LRRC7: variants seen among roughly 807,000 people sequenced by gnomAD.
LRRC7 encodes leucine-rich repeat-containing protein 7.
A neutral mutation model predicts 175.7 loss-of-function variants in LRRC7; 23 were observed. The observed-to-expected ratio is 0.13, with a 90% CI of 0.09 to 0.19. LRRC7 has a LOEUF of 0.19. Ranked by LOEUF, LRRC7 falls within the 10% of genes least tolerant of loss-of-function variation. The pLI is 1.00. For missense variants in LRRC7, 1,354 were observed against 1,904.7 expected (o/e 0.71, Z 5.38); for synonymous variants, 685 against 680.9 (o/e 1.01, Z -0.09).
intron 7 of LRRC7, among the ~76,000 whole-genome samples, chr1:69,880,112 T>A (rs1231205125): frequency 1.3e-5 from 2 of 152,120 alleles, no homozygotes; most frequent in Non-Finnish European, 2.9e-5. Context: ...ATACGCTGGG[T>A]AGGGGAGAAA....
At chr1:69,591,403 A>G (rs547487915) in intron 1 of LRRC7, among the ~76,000 whole-genome samples, 25 of 152,194 alleles carry the variant, frequency 1.6e-4, no homozygotes, top group African/African-American at 5.1e-4. Context: ...GCTATTTGAC[A>G]GAACAGTGGT....
chr1:69,569,420 G>T (rs1013739969), intron 1 of LRRC7, among the ~76,000 whole-genome samples: 2 of 152,020 alleles, frequency 1.3e-5, no homozygotes, highest in African/African-American at 4.8e-5. Flanking sequence ...TGAGGATCTT[G>T]CGTCCTCCTC....
chr1:69,750,061 A>AAAATAAATAAATAAATAAAT (rs368323946), intron 2 of LRRC7, among the ~76,000 whole-genome samples: 289 of 139,180 alleles, frequency 2.1e-3, no homozygotes, highest in East Asian at 5.8e-3. Flanking sequence ...CTATGTCTCA[A>AAAATAAATAAATAAATAAAT]AAATAAATAA....
At position 70,122,508 on chromosome 1, in the gene LRRC7, A is replaced by G. The variant is rs1666264632; in HGVS notation, c.*621A>G. On this transcript the variant is annotated 3_prime_UTR_variant, in exon 27 of 27. Coordinates refer to ENST00000651989, the MANE Select transcript of LRRC7 (RefSeq NM_001370785.2). The stretch of plus-strand genomic sequence containing the variant: ...TGTACATATGGTATAAAGTGTTTAT[A>G]TTTGGTTCCATATTCATTTGCTAAA... The G allele has an allele frequency of 6.6e-6, 1 of 152,078 alleles. No individual in the cohort carries two copies. The highest frequency in any genetic ancestry group is 2.4e-5 in the African/African-American group (1 of 41,448). The allele number at this position is 152,078 out of a possible 1,614,324, so 9.4% of individuals were successfully genotyped here.
chr1:69,669,381 A>G (rs1046314759), intron 1 of LRRC7, among the ~76,000 whole-genome samples: 3 of 152,142 alleles, frequency 2.0e-5, no homozygotes, highest in African/African-American at 7.2e-5. Context: ...AGCACTTTAG[A>G]TATGTCATGC....
chr1:69,792,486 A>C (rs1430972918), intron 4 of LRRC7, among the ~76,000 whole-genome samples: 1 of 151,994 alleles, frequency 6.6e-6, no homozygotes, highest in African/African-American at 2.4e-5. Context: ...AACATGTGTC[A>C]AATATCACCT....
Position 69,667,230 on chromosome 1 carries a change from T to C in LRRC7, c.3-11151T>C, listed in dbSNP as rs149087023. Among the ~76,000 whole-genome samples, 5 of 151,694 alleles carry C rather than the reference T, an allele frequency of 3.3e-5. No homozygotes were observed. The East Asian group carries it at 9.6e-4, about 29-fold the overall frequency. On this transcript the variant is annotated intron_variant, in intron 1 of 26. Coordinates refer to ENST00000651989, the MANE Select transcript of LRRC7 (RefSeq NM_001370785.2). ...ACTTGTTTTGTGATTTAACATATGG[T>C]CTATCCTTGAGAATGATCCATGTGC...
chr1:70,098,083 G>A (rs1194957467), intron 25 of LRRC7, among the ~76,000 whole-genome samples: 1 of 151,946 alleles, frequency 6.6e-6, no homozygotes, highest in Non-Finnish European at 1.5e-5. Context: ...CACCAACAGT[G>A]TAAAAGTGTT....
At chr1:69,571,022 T>A (rs1645719045) in intron 1 of LRRC7, among the ~76,000 whole-genome samples, 1 of 152,216 alleles carries the variant, frequency 6.6e-6, no homozygotes. Context: ...TAGGCTAAAG[T>A]TTTTAAAAGG....
At chr1:69,875,622 A>G (rs1024495889) in intron 7 of LRRC7, among the ~76,000 whole-genome samples, 20 of 152,060 alleles carry the variant, frequency 1.3e-4, no homozygotes, top group Admixed American at 1.1e-3. Context: ...CTAATCTTTT[A>G]TTCTAAGAGG....
chr1:69,857,724 TA>T (rs1410354439), intron 7 of LRRC7, among the ~76,000 whole-genome samples: 1 of 152,172 alleles, frequency 6.6e-6, no homozygotes, highest in African/African-American at 2.4e-5. Context: ...CCCATCAAGC[TA>T]CCAATGACTT....
chr1:70,099,250 G>C (rs1432246807), intron 25 of LRRC7, among the ~76,000 whole-genome samples: 2 of 136,204 alleles, frequency 1.5e-5, no homozygotes, highest in South Asian at 2.7e-4. Context: ...ATGCAGAAAA[G>C]GCCTTTGACA....
chr1:69,960,512 T>C (rs1371824375), intron 8 of LRRC7, among the ~76,000 whole-genome samples: 1 of 152,160 alleles, frequency 6.6e-6, no homozygotes, highest in Admixed American at 6.6e-5. Flanking sequence ...CGTTATTTCT[T>C]CTGCTAGCTT....
chr1:70,032,019 G>A (rs1232157841), intron 18 of LRRC7, among the ~76,000 whole-genome samples: 1 of 152,004 alleles, frequency 6.6e-6, no homozygotes, highest in African/African-American at 2.4e-5. Context: ...GGATGGTCTC[G>A]ATCTCCTGAC....
intron 13 of LRRC7, 22 bp from the exon 14 acceptor site, chr1:70,016,443 T>G: frequency 6.5e-7 from 1 of 1,546,030 alleles, no homozygotes; most frequent in South Asian, 1.2e-5. Context: ...CCCATGCTAT[T>G]AGACTTTTTG....
intron 26 of LRRC7, 125 bp downstream of exon 26, chr1:70,107,951 T>C: frequency 1.1e-6 from 1 of 875,736 alleles, no homozygotes; most frequent in Non-Finnish European, 1.8e-6. Flanking sequence ...TTATTTGCCT[T>C]TATTATTTTG....
chr1:69,994,097 G>A (rs1003453002), intron 10 of LRRC7, among the ~76,000 whole-genome samples: 10 of 152,058 alleles, frequency 6.6e-5, no homozygotes, highest in African/African-American at 1.9e-4. Flanking sequence ...AATTATAACC[G>A]CTGCATTGCA....
rs1424453071 is a variant in LRRC7, at chr1:70,131,025, T to G, written c.*9138T>G. ...GAATAGATCCCACCCCCTATATCCC[T>G]AAAGTGAAGATGTCATATAGTTCAG... On this transcript the variant is annotated 3_prime_UTR_variant, in exon 27 of 27. Transcript: ENST00000651989. Among the ~76,000 whole-genome samples, 1 of 152,140 alleles carries G rather than the reference T, an allele frequency of 6.6e-6. No homozygotes were observed. The highest frequency in any genetic ancestry group is 1.5e-5 in the Non-Finnish European group (1 of 67,988).
At chr1:69,988,404 TG>T (rs1654131708) in intron 10 of LRRC7, among the ~76,000 whole-genome samples, 1 of 151,906 alleles carries the variant, frequency 6.6e-6, no homozygotes, top group African/African-American at 2.4e-5. Flanking sequence ...ACTCCATCTC[TG>T]AAAAAAAAAT....
Sources: allele counts gnomAD v4.1 joint callset (sites outside exome capture counted in the v4.1 genomes callset), GRCh38; gene constraint gnomAD v4.1.1; transcripts MANE v1.5; gene names NCBI Gene and HGNC (gene_info 2026-07-23, HGNC 2026-07-21).